EPB41L2: variants seen among roughly 807,000 people sequenced by gnomAD.
EPB41L2 encodes the protein band 4.1-like protein 2.
In EPB41L2, 43 loss-of-function variants were observed where a neutral mutation model predicts 113.0. That is an observed-to-expected ratio of 0.38 (90% CI 0.30 to 0.49). The LOEUF (loss-of-function observed/expected upper bound fraction) is 0.49. Among genes scored for constraint, EPB41L2 ranks in the 20% least tolerant of loss-of-function variants. The pLI is 0.95. For missense variants in EPB41L2, 1,147 were observed against 1,223.4 expected (o/e 0.94, Z 0.93); for synonymous variants, 442 against 436.7 (o/e 1.01, Z -0.15).
At chr6:130,915,655 AC>A (rs1800804565) in intron 4 of EPB41L2, among the ~76,000 whole-genome samples, 2 of 152,198 alleles carry the variant, frequency 1.3e-5, no homozygotes, top group South Asian at 4.1e-4. Flanking sequence ...CTGAGTCCCT[AC>A]CCAAATCTCA....
chr6:130,866,001 G>A (rs1783632578), intron 16 of EPB41L2, among the ~76,000 whole-genome samples: 1 of 152,186 alleles, frequency 6.6e-6, no homozygotes, highest in Non-Finnish European at 1.5e-5. Flanking sequence ...CGCTGAGTTT[G>A]TTGTTTTTTA....
In EPB41L2 at chr6:130,952,332, G is replaced by A. The variant is rs1815433372; in HGVS notation, c.705+2773C>T. Among the ~76,000 whole-genome samples, 3 of 90,244 alleles carry A rather than the reference G, an allele frequency of 3.3e-5. No individual in the cohort carries two copies. The South Asian group carries it at 1.2e-3, about 35-fold the overall frequency. The allele number at this position is 90,244 out of a possible 152,430, so 59.2% of individuals were successfully genotyped here. A position where few individuals can be genotyped will look rare whatever the true frequency, so the allele number is the denominator to read the frequency against. Reference sequence around the variant, plus strand: ...TACCCTGAAGAAACTCTTACACAAGGAAACATGTCTTAAAATGTTCACTAA... The same window carrying A: ...TACCCTGAAGAAACTCTTACACAAGAAAACATGTCTTAAAATGTTCACTAA... On this transcript the variant is annotated intron_variant, in intron 3 of 19. Coordinates refer to ENST00000337057, the MANE Select transcript of EPB41L2 (RefSeq NM_001431.4).
At chr6:130,955,369 G>T in intron 2 of EPB41L2, 52 bp from the exon 3 acceptor site, 1 of 1,524,310 alleles carries the variant, frequency 6.6e-7, no homozygotes. Flanking sequence ...CCTTGCAGAT[G>T]ACAACATACT....
At chr6:130,915,205 A>C (rs945479489) in intron 4 of EPB41L2, among the ~76,000 whole-genome samples, 1 of 151,624 alleles carries the variant, frequency 6.6e-6, no homozygotes, top group Non-Finnish European at 1.5e-5. Context: ...TGGGAGGCTG[A>C]GGCAGGAGAA....
chr6:130,962,993 T>C (rs1318988673), intron 1 of EPB41L2, among the ~76,000 whole-genome samples: 1 of 152,176 alleles, frequency 6.6e-6, no homozygotes, highest in Non-Finnish European at 1.5e-5. Context: ...GAACATTGTA[T>C]ACATAACTCT....
At chr6:130,883,188 A>G (rs1422494092) in intron 12 of EPB41L2, 2 of 152,678 alleles carry the variant, frequency 1.3e-5, no homozygotes, top group Non-Finnish European at 1.5e-5. Context: ...GTGCAAACCC[A>G]TGATTGAATA....
At chr6:130,977,138 T>C (rs2128668098) in intron 1 of EPB41L2, among the ~76,000 whole-genome samples, 1 of 152,240 alleles carries the variant, frequency 6.6e-6, no homozygotes. Context: ...GCCTTAGGGA[T>C]GAAAGAAATA....
chr6:130,962,975 C>T (rs1158794913), intron 1 of EPB41L2, among the ~76,000 whole-genome samples: 1 of 152,148 alleles, frequency 6.6e-6, no homozygotes, highest in Admixed American at 6.5e-5. Flanking sequence ...GCCCCTTCTG[C>T]TGTCTCTGAA....
At chr6:130,859,291 G>A (rs952766410) in intron 18 of EPB41L2, among the ~76,000 whole-genome samples, 8 of 152,188 alleles carry the variant, frequency 5.3e-5, no homozygotes, top group Non-Finnish European at 7.3e-5. Context: ...GGACGCCAAC[G>A]CGGGCGATCA....
At chr6:130,846,799 G>T (rs1411883511) in intron 19 of EPB41L2, among the ~76,000 whole-genome samples, 1 of 152,212 alleles carries the variant, frequency 6.6e-6, no homozygotes. Context: ...ACTTCAAATA[G>T]TAATAAAGAT....
intron 11 of EPB41L2, among the ~76,000 whole-genome samples, chr6:130,889,496 CAAACA>C (rs2128478319): frequency 7.3e-6 from 1 of 137,824 alleles, no homozygotes; most frequent in African/African-American, 3.1e-5. Flanking sequence ...GGCTAAAGAA[CAAACA>C]AACACATTAT....
At chr6:130,998,453 G>A (rs2128707718) in intron 1 of EPB41L2, among the ~76,000 whole-genome samples, 2 of 152,252 alleles carry the variant, frequency 1.3e-5, no homozygotes, top group South Asian at 4.2e-4. Flanking sequence ...AGTAGCTTAA[G>A]AATGCCTTAG....
intron 19 of EPB41L2, among the ~76,000 whole-genome samples, chr6:130,853,913 T>C (rs1277616984): frequency 6.6e-6 from 1 of 152,142 alleles, no homozygotes; most frequent in Non-Finnish European, 1.5e-5. Context: ...AGCCAGACAG[T>C]AGCTGAAGCA....
chr6:131,002,398 G>T (rs1010791899), intron 1 of EPB41L2, among the ~76,000 whole-genome samples: 3 of 152,194 alleles, frequency 2.0e-5, no homozygotes, highest in African/African-American at 7.2e-5. Context: ...TGTCCCTGAG[G>T]AGCTGATAAC....
chr6:130,875,416 C>A (rs1486312790), intron 14 of EPB41L2, among the ~76,000 whole-genome samples: 1 of 152,170 alleles, frequency 6.6e-6, no homozygotes, highest in Non-Finnish European at 1.5e-5. Flanking sequence ...AAGATCGTGA[C>A]ATGACCTAGG....
intron 1 of EPB41L2, among the ~76,000 whole-genome samples, chr6:130,958,269 T>C (rs974893640): frequency 6.6e-6 from 1 of 152,014 alleles, no homozygotes; most frequent in African/African-American, 2.4e-5. Context: ...CTGGCCAACA[T>C]GGCGAAACCC....
intron 14 of EPB41L2, among the ~76,000 whole-genome samples, 163 bp downstream of exon 14, chr6:130,877,941 T>C (rs982712501): frequency 1.3e-5 from 2 of 152,162 alleles, no homozygotes; most frequent in African/African-American, 2.4e-5. Flanking sequence ...CCAATAACTA[T>C]TACATTGTTA....
chr6:130,989,354 A>C (rs1444455813), intron 1 of EPB41L2, among the ~76,000 whole-genome samples: 2 of 152,208 alleles, frequency 1.3e-5, no homozygotes, highest in African/African-American at 4.8e-5. Context: ...AATAAAATAT[A>C]AGGTTGACAA....
intron 14 of EPB41L2, 125 bp from the exon 15 acceptor site, chr6:130,870,251 C>T: frequency 6.5e-7 from 1 of 1,534,920 alleles, no homozygotes; most frequent in Middle Eastern, 1.7e-4. Context: ...TGATGGCTGA[C>T]TGAAAGGGAA....
Sources: gnomAD v4.1 joint callset for allele counts (sites outside exome capture counted in the v4.1 genomes callset) on GRCh38, gnomAD v4.1.1 for gene constraint, MANE v1.5 for transcripts, NCBI Gene and HGNC (gene_info 2026-07-23, HGNC 2026-07-21) for gene names.